PAFAH1B1: variants seen among roughly 807,000 people sequenced by gnomAD.
PAFAH1B1 encodes platelet-activating factor acetylhydrolase IB subunit beta.
In PAFAH1B1, 2 loss-of-function variants were observed where a neutral mutation model predicts 57.5. That is an observed-to-expected ratio of 0.03 (90% CI 0.01 to 0.11). The LOEUF is 0.11. Ranked by LOEUF, PAFAH1B1 falls within the 10% of genes least tolerant of loss-of-function variation. The probability of loss-of-function intolerance (pLI) is 1.00; values close to 1 mark genes in which losing one functional copy is unlikely to be tolerated. For synonymous variants in PAFAH1B1, 152 were observed against 169.6 expected, an observed-to-expected ratio of 0.90 and a Z score of 0.81; for missense variants, 257 against 512.0, an observed-to-expected ratio of 0.50 and a Z score of 4.81.
chr17:2,651,725 A>G (rs2068852562), intron 2 of PAFAH1B1, among the ~76,000 whole-genome samples: 1 of 152,148 alleles, frequency 6.6e-6, no homozygotes, highest in African/African-American at 2.4e-5. Context: ...TGATTTGGGA[A>G]TGGAGTGAGT....
chr17:2,627,495 TTATAG>T (rs2068507750), intron 1 of PAFAH1B1, among the ~76,000 whole-genome samples: 1 of 152,236 alleles, frequency 6.6e-6, no homozygotes, highest in Non-Finnish European at 1.5e-5. Flanking sequence ...GACTATGGCC[TTATAG>T]TATAGTTTGA....
intron 1 of PAFAH1B1, among the ~76,000 whole-genome samples, chr17:2,605,976 C>T (rs1335418241): frequency 1.3e-5 from 2 of 152,148 alleles, no homozygotes; most frequent in African/African-American, 4.8e-5. Flanking sequence ...AAGTCTTTTA[C>T]TTTGCTTATG....
intron 2 of PAFAH1B1, chr17:2,659,489 C>G (rs1228546456): frequency 1.1e-5 from 2 of 189,436 alleles, no homozygotes; most frequent in African/African-American, 2.5e-5. Flanking sequence ...CCACTGCATT[C>G]CAGCCTGGCG....
chr17:2,673,421 T>C (rs2069210146), intron 7 of PAFAH1B1, among the ~76,000 whole-genome samples: 1 of 151,846 alleles, frequency 6.6e-6, no homozygotes, highest in Non-Finnish European at 1.5e-5. Context: ...GGGCGGATCA[T>C]GAGGTCAGGA....
chr17:2,677,022 G>C lies in PAFAH1B1; in HGVS notation c.1002+416G>C, dbSNP rs912097603. 5.3e-5 allele frequency among the ~76,000 whole-genome samples: 8 copies of C among 152,088 alleles called. No homozygotes were observed. The South Asian group carries it at 6.2e-4, about 12-fold the overall frequency. On this transcript the variant is annotated intron_variant, in intron 9 of 10. Transcript: ENST00000397195. ...CAAAAAATTAGCTGGGCGTGGTGGC[G>C]GGCGCCTGTAGTCCCAGCTACTCGG...
chr17:2,676,481 TA>T lies in PAFAH1B1; in HGVS notation c.901-22del. ...TACCTAACTTCTTGTGTGGGAAACT[TA>T]ATTTTTATTATGTTTTCTGTAGACT... On this transcript the variant is annotated intron_variant, in intron 8 of 10. Transcript: ENST00000397195. 2.0e-6 allele frequency: 3 copies of T among 1,464,754 alleles called. No individual in the cohort carries two copies. In the African/African-American group the frequency reaches 4.2e-5, roughly 20 times the overall value. 90.7% of individuals were successfully genotyped at this position (1,464,754 alleles called of 1,614,324 possible).
chr17:2,637,595 G>T (rs563992269), intron 1 of PAFAH1B1, among the ~76,000 whole-genome samples: 2 of 152,178 alleles, frequency 1.3e-5, no homozygotes, highest in African/African-American at 4.8e-5. Flanking sequence ...AATAAAAAGC[G>T]TAAGATTGCT....
At position 2,665,186 on chromosome 17, in the gene PAFAH1B1, A is replaced by G. The variant is rs186899536; in HGVS notation, c.33-186A>G. On this transcript the variant is annotated intron_variant, in intron 2 of 10. Coordinates refer to ENST00000397195, the MANE Select transcript of PAFAH1B1 (RefSeq NM_000430.4). ...AAGAATATAATATTATGGATGTAGT[A>G]TGACAGGGGCTAAAAGTTCTGGAGG... 8.5e-4 allele frequency among the ~76,000 whole-genome samples: 130 copies of G among 152,098 alleles called. 1 individual carries two copies. The highest frequency in any genetic ancestry group is 3.0e-3 in the African/African-American group (126 of 41,342).
intron 1 of PAFAH1B1, among the ~76,000 whole-genome samples, chr17:2,637,507 C>T (rs1340960172): frequency 4.6e-5 from 7 of 152,016 alleles, no homozygotes; most frequent in Non-Finnish European, 1.0e-4. Context: ...TCGCTTAAGC[C>T]CAGAGGGGGA....
At chr17:2,624,076 C>T (rs191522768) in intron 1 of PAFAH1B1, among the ~76,000 whole-genome samples, 269 of 152,316 alleles carry the variant, frequency 1.8e-3, no homozygotes, top group African/African-American at 5.8e-3. Context: ...ATCTCTAGGG[C>T]AGGGGCAAAA....
At chr17:2,679,494 ATGGATGATTGGATGGATGGATG>A (rs1465271015) in intron 9 of PAFAH1B1, among the ~76,000 whole-genome samples, 1 of 145,164 alleles carries the variant, frequency 6.9e-6, no homozygotes, top group Non-Finnish European at 1.5e-5. Context: ...GGATGGATGG[ATGGATGATTGGATGGATGGATG>A]GATGGATGAT....
chr17:2,593,566 C>T (rs537112927), upstream of PAFAH1B1, among the ~76,000 whole-genome samples: 71 of 150,504 alleles, frequency 4.7e-4, 1 homozygote, highest in East Asian at 1.9e-3. Context: ...CGGCGCCCGC[C>T]CCTCCCTCTT....
intron 10 of PAFAH1B1, among the ~76,000 whole-genome samples, chr17:2,680,552 C>CA: frequency 6.6e-6 from 1 of 152,330 alleles, no homozygotes; most frequent in East Asian, 1.9e-4. Flanking sequence ...CACTGCACAA[C>CA]ATTGGTTTTG....
intron 1 of PAFAH1B1, among the ~76,000 whole-genome samples, chr17:2,633,665 A>C (rs1265669162): frequency 1.3e-5 from 2 of 152,124 alleles, no homozygotes; most frequent in Admixed American, 1.3e-4. Context: ...AAACCATTTT[A>C]CTGAAACCAT....
chr17:2,637,311 C>T (rs2068637795), intron 1 of PAFAH1B1, among the ~76,000 whole-genome samples: 2 of 151,994 alleles, frequency 1.3e-5, no homozygotes, highest in African/African-American at 2.4e-5. Context: ...TAATTAGGTA[C>T]ATTGGTTAAG....
intron 2 of PAFAH1B1, among the ~76,000 whole-genome samples, chr17:2,654,954 C>CTT (rs563890350): frequency 5.0e-4 from 67 of 133,856 alleles, no homozygotes; most frequent in Middle Eastern, 3.9e-3. Context: ...TTTTTTTCTT[C>CTT]TTTTTTTTTT....
At chr17:2,676,815 G>A (rs567405418) in intron 9 of PAFAH1B1, among the ~76,000 whole-genome samples, 1 of 152,294 alleles carries the variant, frequency 6.6e-6, no homozygotes, top group Admixed American at 6.5e-5. Context: ...AATCTGTAGA[G>A]CCAGTCGGTG....
intron 2 of PAFAH1B1, among the ~76,000 whole-genome samples, chr17:2,655,219 A>C (rs1440411837): frequency 7.1e-6 from 1 of 140,032 alleles, no homozygotes; most frequent in Non-Finnish European, 1.5e-5. Context: ...GTGTGTGTTT[A>C]TAAGAGTGAA....
At chr17:2,607,243 C>G (rs1479783073) in intron 1 of PAFAH1B1, among the ~76,000 whole-genome samples, 1 of 151,332 alleles carries the variant, frequency 6.6e-6, no homozygotes, top group African/African-American at 2.4e-5. Flanking sequence ...GTGTAATATC[C>G]GCTCACTGCA....
Sources: gnomAD v4.1 joint callset for allele counts (sites outside exome capture counted in the v4.1 genomes callset) on GRCh38, gnomAD v4.1.1 for gene constraint, MANE v1.5 for transcripts, NCBI Gene and HGNC (gene_info 2026-07-23, HGNC 2026-07-21) for gene names.